The following SAFB2 variants were observed in gnomAD, a reference collection of about 807,000 sequenced individuals.
The protein encoded by SAFB2 is scaffold attachment factor B2.
In SAFB2, 32 loss-of-function variants were observed where a neutral mutation model predicts 100.6. The observed-to-expected ratio is 0.32, with a 90% confidence interval of 0.24 to 0.43. The LOEUF is 0.43. Among genes scored for constraint, SAFB2 ranks in the 20% least tolerant of loss-of-function variants. The pLI, the probability that SAFB2 is intolerant of heterozygous loss-of-function variation, is 1.00. For missense variants in SAFB2, 1,185 were observed against 1,163.4 expected (o/e 1.02, Z -0.27); for synonymous variants, 500 against 439.4 (o/e 1.14, Z -1.72).
intron 2 of SAFB2, among the ~76,000 whole-genome samples, chr19:5,618,843 T>G (rs185593672): frequency 6.6e-6 from 1 of 152,366 alleles, no homozygotes. Context: ...GGGACACAGA[T>G]GTAAGAAAAT....
Position 5,591,787 on chromosome 19 carries a change from C to T in SAFB2, c.2355G>A (p.Glu785=), listed in dbSNP as rs746360534. 6.2e-7 allele frequency: 1 copy of T among 1,614,078 alleles called. No homozygotes were observed. The highest frequency in any genetic ancestry group is 2.2e-5 in the East Asian group (1 of 44,874). Residue 785 remains glutamate, a synonymous_variant, in exon 17 of 21, where the codon GAG becomes GAA. Coordinates refer to ENST00000252542, the MANE Select transcript of SAFB2 (RefSeq NM_014649.3). The part of the protein sequence containing the change: ...QYQDHAIDRR[E]GSRPMMGDHR... ...GGTCTCCCATCATTGGCCTCGAACC[C>T]TCCCGCCTGCAAAAGGAAAAGATCC...
In SAFB2 at chr19:5,594,284, T is replaced by C. The variant is rs553863996; in HGVS notation, c.1920-106A>G. 177 of 1,346,388 alleles carry C rather than the reference T, an allele frequency of 1.3e-4. 4 individuals carry two copies. In the South Asian group the frequency reaches 2.0e-3, roughly 15 times the overall value. The allele number at this position is 1,346,388 out of a possible 1,614,324, so 83.4% of individuals were successfully genotyped here. A position where few individuals can be genotyped will look rare whatever the true frequency, so the allele number is the denominator to read the frequency against. ...ATTGGAAGCAGAAAAAAAAAATGGA[T>C]CCAAAAGCTCACCGGGCTTCCCTAA... On this transcript the variant is annotated intron_variant, in intron 14 of 20. Coordinates refer to ENST00000252542, the MANE Select transcript of SAFB2 (RefSeq NM_014649.3).
At chr19:5,600,338 C>T (rs368973406) in intron 11 of SAFB2, 78 bp from the exon 12 acceptor site, 1 of 1,563,066 alleles carries the variant, frequency 6.4e-7, no homozygotes. Flanking sequence ...CCTCGACTCA[C>T]ACATACTCAG....
chr19:5,589,140 GCTCCCGTGTGGAAC>G (rs1393576231), intron 18 of SAFB2: 3 of 152,260 alleles, frequency 2.0e-5, no homozygotes, highest in African/African-American at 7.2e-5. Flanking sequence ...GGAGCGGAAA[GCTCCCGTGTGGAAC>G]CTGCCCTCGG....
intron 11 of SAFB2, among the ~76,000 whole-genome samples, chr19:5,603,900 G>A (rs1414713076): frequency 6.6e-6 from 1 of 152,188 alleles, no homozygotes; most frequent in Non-Finnish European, 1.5e-5. Flanking sequence ...CAGTTGCTGT[G>A]ATTAATAAGT....
intron 13 of SAFB2, 132 bp from the exon 14 acceptor site, chr19:5,595,629 G>T: frequency 9.0e-7 from 1 of 1,107,630 alleles, no homozygotes; most frequent in Non-Finnish European, 1.3e-6. Flanking sequence ...GTGGTCTCCA[G>T]ACCAGAGGCC....
chr19:5,614,369 T>C (rs1342779870), intron 4 of SAFB2, among the ~76,000 whole-genome samples: 1 of 152,258 alleles, frequency 6.6e-6, no homozygotes, highest in African/African-American at 2.4e-5. Context: ...AAGCTCTTTT[T>C]AAGTGAACTA....
intron 11 of SAFB2, among the ~76,000 whole-genome samples, chr19:5,604,246 A>G (rs986919465): frequency 1.3e-5 from 2 of 152,190 alleles, no homozygotes; most frequent in Non-Finnish European, 2.9e-5. Context: ...CCGCGTCTCT[A>G]TAAAAAGTAG....
intron 18 of SAFB2, 108 bp from the exon 19 acceptor site, chr19:5,588,088 A>C: frequency 1.1e-6 from 1 of 931,208 alleles, no homozygotes; most frequent in Non-Finnish European, 1.6e-6. Flanking sequence ...ATGCCACACA[A>C]CAAGGGCTGC....
intron 2 of SAFB2, among the ~76,000 whole-genome samples, chr19:5,620,515 A>T (rs2053118346): frequency 6.6e-6 from 1 of 152,252 alleles, no homozygotes; most frequent in Non-Finnish European, 1.5e-5. Context: ...ATGAAGTATC[A>T]ATACATGTTA....
intron 15 of SAFB2, 85 bp downstream of exon 15, chr19:5,593,806 G>A (rs1301925067): frequency 8.3e-6 from 11 of 1,322,160 alleles, no homozygotes; most frequent in Non-Finnish European, 1.1e-5. Context: ...CGACAGGGAC[G>A]GAAGGGAAGC....
At chr19:5,596,114 T>C (rs547396848) in intron 13 of SAFB2, among the ~76,000 whole-genome samples, 2 of 152,192 alleles carry the variant, frequency 1.3e-5, no homozygotes, top group East Asian at 3.9e-4. Context: ...AATACAAAAA[T>C]TAGCTAGGCG....
intron 2 of SAFB2, among the ~76,000 whole-genome samples, chr19:5,620,026 T>C (rs974816449): frequency 6.6e-6 from 1 of 152,202 alleles, no homozygotes; most frequent in Non-Finnish European, 1.5e-5. Flanking sequence ...AGTTAACACC[T>C]AAACAGAAGA....
At chr19:5,617,452 T>A (rs1297747475) in intron 2 of SAFB2, among the ~76,000 whole-genome samples, 1 of 152,190 alleles carries the variant, frequency 6.6e-6, no homozygotes, top group Non-Finnish European at 1.5e-5. Flanking sequence ...TCAAAAACCT[T>A]ACAAATGTGC....
intron 5 of SAFB2, 148 bp downstream of exon 5, chr19:5,613,317 G>T: frequency 1.4e-6 from 1 of 701,068 alleles, no homozygotes; most frequent in Non-Finnish European, 2.4e-6. Context: ...GGCCAGCCCT[G>T]AGACTGTTTC....
intron 13 of SAFB2, among the ~76,000 whole-genome samples, chr19:5,596,177 C>T (rs1276391841): frequency 2.0e-5 from 3 of 152,188 alleles, no homozygotes; most frequent in Admixed American, 2.0e-4. Flanking sequence ...GCAGAAGAAT[C>T]GCTTGAACCT....
At chr19:5,621,135 C>T (rs1021739280) in intron 2 of SAFB2, among the ~76,000 whole-genome samples, 174 bp downstream of exon 2, 1 of 152,164 alleles carries the variant, frequency 6.6e-6, no homozygotes, top group African/African-American at 2.4e-5. Flanking sequence ...TTTCCTCCTC[C>T]CTGTGCCCTT....
At chr19:5,594,670 G>A (rs895074729) in intron 14 of SAFB2, among the ~76,000 whole-genome samples, 1 of 152,120 alleles carries the variant, frequency 6.6e-6, no homozygotes. Flanking sequence ...AGCCACACAC[G>A]GCTGGGCCTT....
chr19:5,597,399 T>A (rs2052555579), intron 13 of SAFB2, among the ~76,000 whole-genome samples: 2 of 151,702 alleles, frequency 1.3e-5, no homozygotes, highest in South Asian at 4.2e-4. Context: ...TTATTTTTTT[T>A]AATAGGTAAA....
Sources: allele counts gnomAD v4.1 joint callset (sites outside exome capture counted in the v4.1 genomes callset), GRCh38; gene constraint gnomAD v4.1.1; transcripts MANE v1.5; gene names NCBI Gene and HGNC (gene_info 2026-07-23, HGNC 2026-07-21).